Variants in TCERG1L observed in about 807,000 individuals in gnomAD.
TCERG1L encodes the protein transcription elongation regulator 1-like protein.
Under a neutral mutation model 56.3 loss-of-function variants are expected in TCERG1L, and 37 were observed. The ratio of observed to expected loss-of-function variants is 0.66; its 90% CI spans 0.51 to 0.87. The LOEUF is 0.87. Ranked by LOEUF, TCERG1L falls within the 40% of genes least tolerant of loss-of-function variation. The pLI is 0.00. For synonymous variants in TCERG1L, 324 were observed against 326.3 expected (o/e 0.99, Z 0.08); for missense variants, 799 against 774.2 (o/e 1.03, Z -0.38).
chr10:131,225,106 A>T (rs1391487331), intron 4 of TCERG1L, among the ~76,000 whole-genome samples: 2 of 152,208 alleles, frequency 1.3e-5, no homozygotes, highest in African/African-American at 4.8e-5. Flanking sequence ...CAAGACCCAC[A>T]GAACCAGTAG....
At chr10:131,288,518 G>T (rs549579710) in intron 3 of TCERG1L, among the ~76,000 whole-genome samples, 1 of 152,264 alleles carries the variant, frequency 6.6e-6, no homozygotes, top group East Asian at 1.9e-4. Context: ...ACCACCCAGG[G>T]CCTGCCCTCC....
At chr10:131,097,187 C>T (rs1476999608) in intron 11 of TCERG1L, among the ~76,000 whole-genome samples, 1 of 114,432 alleles carries the variant, frequency 8.7e-6, no homozygotes, top group Non-Finnish European at 1.6e-5. Context: ...GGTGACACAG[C>T]GAGGGTCTGT....
At chr10:131,237,770 C>T (rs984391416) in intron 4 of TCERG1L, among the ~76,000 whole-genome samples, 15 of 152,152 alleles carry the variant, frequency 9.9e-5, no homozygotes, top group African/African-American at 3.1e-4. Context: ...CCAGTCCAAT[C>T]GCTTCTCTCC....
intron 4 of TCERG1L, among the ~76,000 whole-genome samples, chr10:131,183,244 G>A (rs894803806): frequency 3.9e-5 from 6 of 152,060 alleles, no homozygotes; most frequent in Non-Finnish European, 7.4e-5. Flanking sequence ...CATTTTCTAA[G>A]GAACTTGCAT....
rs532343337 is a variant in TCERG1L, at chr10:131,262,445, T to C, written c.671-2001A>G. Among the ~76,000 whole-genome samples the C allele has an allele frequency of 5.9e-5, 9 of 152,314 alleles. No homozygotes were observed. The South Asian group carries it at 1.0e-3, about 18-fold the overall frequency. Reference sequence around the variant, plus strand: ...GATGGCAGAATTACGGCTGATTTTCTCTCCTTTCTTTTGGAATTGCCTATG... The same window carrying C: ...GATGGCAGAATTACGGCTGATTTTCCCTCCTTTCTTTTGGAATTGCCTATG... On this transcript the variant is annotated intron_variant, in intron 3 of 11. Coordinates refer to ENST00000368642, the MANE Select transcript of TCERG1L (RefSeq NM_174937.4).
At chr10:131,266,403 G>A (rs1351628770) in intron 3 of TCERG1L, among the ~76,000 whole-genome samples, 1 of 152,208 alleles carries the variant, frequency 6.6e-6, no homozygotes, top group East Asian at 1.9e-4. Flanking sequence ...TGTTGTGTTA[G>A]CAGGCACGAA....
intron 4 of TCERG1L, among the ~76,000 whole-genome samples, chr10:131,239,626 G>A (rs1845950083): frequency 6.6e-6 from 1 of 152,234 alleles, no homozygotes; most frequent in African/African-American, 2.4e-5. Flanking sequence ...GGTGAGGAGG[G>A]GCCCACAGGG....
At chr10:131,218,586 C>G (rs1324358156) in intron 4 of TCERG1L, among the ~76,000 whole-genome samples, 1 of 152,198 alleles carries the variant, frequency 6.6e-6, no homozygotes, top group African/African-American at 2.4e-5. Flanking sequence ...CTCCGCTTCC[C>G]AAGTTCAAGC....
chr10:131,275,359 G>C (rs1846380658), intron 3 of TCERG1L, among the ~76,000 whole-genome samples: 4 of 152,322 alleles, frequency 2.6e-5, no homozygotes, highest in African/African-American at 9.6e-5. Flanking sequence ...ACAGGTACAA[G>C]GCGAGAGTGT....
intron 3 of TCERG1L, among the ~76,000 whole-genome samples, chr10:131,304,625 C>A (rs1846802005): frequency 6.6e-6 from 1 of 152,084 alleles, no homozygotes; most frequent in Non-Finnish European, 1.5e-5. Context: ...TAGATAATTT[C>A]TCCATTCAAC....
intron 8 of TCERG1L, among the ~76,000 whole-genome samples, chr10:131,125,128 A>G (rs1845551599): frequency 6.6e-6 from 1 of 152,002 alleles, no homozygotes; most frequent in South Asian, 2.1e-4. Context: ...GTGATGACAC[A>G]GTGATGATGG....
rs1254609399 is a variant in TCERG1L, at chr10:131,118,236, C to G, written c.1260-1302G>C. On this transcript the variant is annotated intron_variant, in intron 8 of 11. Coordinates refer to ENST00000368642, the MANE Select transcript of TCERG1L (RefSeq NM_174937.4). The surrounding 1 kb of genome is among the most constrained non-coding windows in gnomAD (Gnocchi z 4.2). ...GCAGTGGCTTAGGGCCTCCTACATT[C>G]TGGGAGCTCCCTAAGTGCTCGGAGA... Among the ~76,000 whole-genome samples the G allele has an allele frequency of 6.6e-6, 1 of 152,196 alleles. No homozygotes were observed. Among genetic ancestry groups the G allele is most frequent in the African/African-American group, 2.4e-5 (1 of 41,464 alleles).
intron 4 of TCERG1L, among the ~76,000 whole-genome samples, chr10:131,229,814 G>A (rs1192845087): frequency 6.6e-6 from 1 of 151,646 alleles, no homozygotes; most frequent in Non-Finnish European, 1.5e-5. Flanking sequence ...AAAGGCATAG[G>A]GTAAGTAACC....
intron 3 of TCERG1L, among the ~76,000 whole-genome samples, chr10:131,282,050 G>A (rs1846462462): frequency 6.7e-6 from 1 of 150,068 alleles, no homozygotes; most frequent in African/African-American, 2.4e-5. Flanking sequence ...GCAGGAGAAT[G>A]GCGTGAACCC....
rs553110256 is a variant in TCERG1L, at chr10:131,256,872, G to A, written c.856+3387C>T. 1.7e-4 allele frequency among the ~76,000 whole-genome samples: 26 copies of A among 150,158 alleles called. 1 individual carries two copies. The highest frequency in any genetic ancestry group is 3.2e-4 in the Non-Finnish European group (22 of 67,694). On this transcript the variant is annotated intron_variant, in intron 4 of 11. Transcript: ENST00000368642. The stretch of plus-strand genomic sequence containing the variant: ...GCACTCTCAGCCTGGGCGACAGATC[G>A]AGACTCCATCTCAAGAAAAAGAAAG...
At position 131,129,199 on chromosome 10, in the gene TCERG1L, C is replaced by G. The variant is rs541193948; in HGVS notation, c.1259+5180G>C. Among the ~76,000 whole-genome samples, 369 of 140,184 alleles carry G rather than the reference C, an allele frequency of 2.6e-3. 1 individual carries two copies. The highest frequency in any genetic ancestry group is 8.9e-3 in the African/African-American group (347 of 38,874). The allele number at this position is 140,184 out of a possible 152,430, so 92.0% of individuals were successfully genotyped here. A position where few individuals can be genotyped will look rare whatever the true frequency, so the allele number is the denominator to read the frequency against. On this transcript the variant is annotated intron_variant, in intron 8 of 11. Transcript: ENST00000368642. The stretch of plus-strand genomic sequence containing the variant: ...ACTTAGTCCTGATATGAAAGCAAAC[C>G]TCTAAGAGGAAAAAAAAAAGAAAAC...
intron 4 of TCERG1L, among the ~76,000 whole-genome samples, chr10:131,178,241 G>A (rs1208679664): frequency 6.6e-6 from 1 of 152,194 alleles, no homozygotes; most frequent in Non-Finnish European, 1.5e-5. Flanking sequence ...ACAAGACAGT[G>A]ACAGCGGTGA....
chr10:131,106,395 T>C (rs1404252383), intron 9 of TCERG1L, among the ~76,000 whole-genome samples: 1 of 152,156 alleles, frequency 6.6e-6, no homozygotes, highest in East Asian at 1.9e-4. Context: ...CAGAGTGCTG[T>C]GACTTTGGAA....
At chr10:131,223,617 C>T (rs1475237841) in intron 4 of TCERG1L, among the ~76,000 whole-genome samples, 1 of 151,770 alleles carries the variant, frequency 6.6e-6, no homozygotes, top group African/African-American at 2.4e-5. Context: ...TGCTCACACA[C>T]ACTGACATGC....
Sources: gnomAD v4.1 joint callset for allele counts (sites outside exome capture counted in the v4.1 genomes callset) on GRCh38, gnomAD v4.1.1 for gene constraint, Gnocchi (gnomAD v3.1) non-coding constraint, MANE v1.5 for transcripts, NCBI Gene and HGNC (gene_info 2026-07-23, HGNC 2026-07-21) for gene names.